Variants in MPP7 observed in about 807,000 individuals in gnomAD.
MPP7 encodes MAGUK p55 scaffold protein 7.
A neutral mutation model predicts 76.5 loss-of-function variants in MPP7; 60 were observed. The observed-to-expected ratio is 0.78, with a 90% confidence interval of 0.64 to 0.97. MPP7 has a LOEUF of 0.97. Among genes scored for constraint, MPP7 ranks in the 50% least tolerant of loss-of-function variants. MPP7 has a pLI of 0.00. For missense variants in MPP7, 641 were observed against 694.0 expected (o/e 0.92, Z 0.86); for synonymous variants, 237 against 244.5 (o/e 0.97, Z 0.29).
chr10:28,215,566 T>A (rs764928074), intron 2 of MPP7, among the ~76,000 whole-genome samples: 2 of 152,078 alleles, frequency 1.3e-5, no homozygotes, highest in Non-Finnish European at 2.9e-5. Context: ...AGACATTAAC[T>A]TGGAGGTGCT....
At chr10:28,067,839 T>C (rs1852052831) in intron 13 of MPP7, among the ~76,000 whole-genome samples, 1 of 152,162 alleles carries the variant, frequency 6.6e-6, no homozygotes, top group Non-Finnish European at 1.5e-5. Context: ...CTAGTGTTAA[T>C]ATAGGAGGAA....
At chr10:28,073,193 T>C (rs141851731) in intron 12 of MPP7, among the ~76,000 whole-genome samples, 4 of 152,346 alleles carry the variant, frequency 2.6e-5, no homozygotes, top group Non-Finnish European at 5.9e-5. Flanking sequence ...CTCTCTTGTA[T>C]ATCCCTAGAA....
chr10:28,280,609 G>C (rs913941713), intron 1 of MPP7, among the ~76,000 whole-genome samples: 13 of 151,946 alleles, frequency 8.6e-5, no homozygotes, highest in Non-Finnish European at 1.9e-4. Context: ...ACAGGGCTTA[G>C]GCATAAAAAA....
chr10:28,322,774 G>A (rs553379877), intron 2 of MPP7, among the ~76,000 whole-genome samples: 4 of 152,294 alleles, frequency 2.6e-5, no homozygotes, highest in Middle Eastern at 3.4e-3. Flanking sequence ...GAGCACCCAC[G>A]TGTTAATATG....
At chr10:28,172,870 TATG>T (rs1378962981) in intron 3 of MPP7, among the ~76,000 whole-genome samples, 3 of 152,324 alleles carry the variant, frequency 2.0e-5, no homozygotes, top group Non-Finnish European at 4.4e-5. Flanking sequence ...AGTGAAAGAA[TATG>T]ATATTTTCTC....
At chr10:28,119,024 G>C in intron 11 of MPP7, 2 of 985,286 alleles carry the variant, frequency 2.0e-6, no homozygotes, top group East Asian at 2.3e-4. Context: ...TGAAGAGCTG[G>C]GTGGTGGGAA....
chr10:28,255,060 T>C (rs1839740639), intron 1 of MPP7, among the ~76,000 whole-genome samples: 1 of 152,198 alleles, frequency 6.6e-6, no homozygotes, highest in African/African-American at 2.4e-5. Context: ...TCCCCTGTTG[T>C]TCTCTAAATG....
intron 2 of MPP7, among the ~76,000 whole-genome samples, chr10:28,322,138 G>A (rs541116792): frequency 3.3e-5 from 5 of 152,160 alleles, no homozygotes; most frequent in Admixed American, 3.3e-4. Flanking sequence ...TTTATATAAG[G>A]AGCCCTGCAC....
At chr10:28,229,473 A>G (rs1028015596) in intron 2 of MPP7, among the ~76,000 whole-genome samples, 15 of 152,264 alleles carry the variant, frequency 9.9e-5, no homozygotes, top group African/African-American at 3.4e-4. Flanking sequence ...AGGAAATTCT[A>G]AAGATTTTTA....
At chr10:28,245,316 C>A (rs898309898) in intron 1 of MPP7, among the ~76,000 whole-genome samples, 1 of 152,114 alleles carries the variant, frequency 6.6e-6, no homozygotes, top group Non-Finnish European at 1.5e-5. Flanking sequence ...AATTAACGTA[C>A]ATCAATATAA....
In MPP7 at chr10:28,131,686, C is replaced by T. The variant is rs754442107; in HGVS notation, c.321G>A (p.Leu107=). ...KLLSKPNVKA[L]LSVHDTVAQK... is the part of the protein sequence containing the mutation. ...GAGCCACAGTATCATGTACAGAGAG[C>T]AAAGCCTGTAATATTCAAAGGTTGA... The change falls in exon 6 of 17, where the codon TTG becomes TTA. Residue 107 remains leucine, a synonymous_variant. Coordinates refer to ENST00000683449, the MANE Select transcript of MPP7 (RefSeq NM_001318170.2). 2.5e-6 allele frequency: 4 copies of T among 1,571,850 alleles called. No individual in the cohort carries two copies. Among genetic ancestry groups the T allele is most frequent in the African/African-American group, 1.4e-5 (1 of 73,934 alleles).
chr10:28,234,287 G>C (rs569526384), intron 2 of MPP7, among the ~76,000 whole-genome samples: 1 of 152,258 alleles, frequency 6.6e-6, no homozygotes, highest in East Asian at 1.9e-4. Context: ...ACAAAATAAA[G>C]TAGTCATGGC....
intron 1 of MPP7, among the ~76,000 whole-genome samples, chr10:28,301,815 A>ACT (rs1841162360): frequency 6.6e-6 from 1 of 151,996 alleles, no homozygotes; most frequent in Admixed American, 6.6e-5. Flanking sequence ...AGCATAGAAA[A>ACT]CTCTCCAAGG....
chr10:28,187,390 T>C (rs1048998665), intron 3 of MPP7, among the ~76,000 whole-genome samples: 2 of 152,156 alleles, frequency 1.3e-5, no homozygotes, highest in African/African-American at 2.4e-5. Context: ...AAGAAATAAC[T>C]TCATCTGGCT....
chr10:28,220,028 A>G (rs1032037301), intron 2 of MPP7, among the ~76,000 whole-genome samples: 1 of 152,160 alleles, frequency 6.6e-6, no homozygotes, highest in East Asian at 1.9e-4. Context: ...GCATTGGGCC[A>G]GCTGAGTTTG....
intron 11 of MPP7, among the ~76,000 whole-genome samples, chr10:28,097,334 A>AAAT (rs753639400): frequency 2.6e-5 from 4 of 152,108 alleles, no homozygotes; most frequent in East Asian, 1.9e-4. Flanking sequence ...TAATAATATC[A>AAAT]AATAATAATA....
Position 28,147,518 on chromosome 10 carries a change from C to G in MPP7, c.280G>C (p.Glu94Gln). Residue 94 changes from glutamate to glutamine, a missense_variant, in exon 5 of 17, where the codon GAG (glutamate) becomes CAG (glutamine). Glu to Gln is a conservative substitution (Grantham distance 29). Coordinates refer to ENST00000683449, the MANE Select transcript of MPP7 (RefSeq NM_001318170.2). ...GGTTTTGACAGTAGTTTCAACAGCTCTCTGATCTCACTGTTTAATGGCTTG... is the reference window on the plus strand; with the variant it reads ...GGTTTTGACAGTAGTTTCAACAGCTGTCTGATCTCACTGTTTAATGGCTTG... The part of the protein sequence containing the change: ...QNKPLNSEIR[E>Q]LLKLLSKPNV... 2 of 1,614,072 alleles carry G rather than the reference C, an allele frequency of 1.2e-6. No homozygotes were observed. The highest frequency in any genetic ancestry group is 1.7e-6 in the Non-Finnish European group (2 of 1,179,952).
At chr10:28,074,084 A>G (rs1156546935) in intron 12 of MPP7, among the ~76,000 whole-genome samples, 2 of 152,176 alleles carry the variant, frequency 1.3e-5, no homozygotes, top group East Asian at 3.9e-4. Context: ...GGGCAGGAGT[A>G]TTATATTGTT....
intron 1 of MPP7, among the ~76,000 whole-genome samples, chr10:28,272,231 G>A (rs916874290): frequency 2.6e-5 from 4 of 152,098 alleles, no homozygotes; most frequent in Admixed American, 6.6e-5. Context: ...TTTTAGATTC[G>A]TGACTTAGAT....
Sources: gnomAD v4.1 joint callset for allele counts (sites outside exome capture counted in the v4.1 genomes callset) on GRCh38, gnomAD v4.1.1 for gene constraint, MANE v1.5 for transcripts, NCBI Gene and HGNC (gene_info 2026-07-23, HGNC 2026-07-21) for gene names.